The following CDKL3 variants were observed in gnomAD, a reference collection of about 807,000 sequenced individuals.
CDKL3 encodes cyclin dependent kinase like 3, also known as cyclin-dependent kinase-like 3.
A neutral mutation model predicts 69.3 loss-of-function variants in CDKL3; 65 were observed. The ratio of observed to expected loss-of-function variants is 0.94; its 90% CI spans 0.77 to 1.15. The LOEUF (loss-of-function observed/expected upper bound fraction) is 1.15, where lower values mean the gene tolerates loss of function less well. CDKL3 is among the 50% of genes most tolerant of loss of function. The pLI is 0.00. For synonymous variants in CDKL3, 202 were observed against 221.6 expected (o/e 0.91, Z 0.79); for missense variants, 652 against 689.2 (o/e 0.95, Z 0.61).
chr5:134,311,398 T>C (rs1316286500), intron 7 of CDKL3, among the ~76,000 whole-genome samples: 1 of 152,000 alleles, frequency 6.6e-6, no homozygotes, highest in African/African-American at 2.4e-5. Flanking sequence ...CTAGCTACTC[T>C]GGAGCCTGAG....
At chr5:134,353,160 C>T (rs1202643075) in intron 3 of CDKL3, among the ~76,000 whole-genome samples, 2 of 152,126 alleles carry the variant, frequency 1.3e-5, no homozygotes, top group Admixed American at 6.6e-5. Flanking sequence ...AACATTTCTA[C>T]GTCTAACAGA....
rs533151457 is a variant in CDKL3 at position 134,289,614 on chromosome 5, C to T, written c.*678-3055G>A. Among the ~76,000 whole-genome samples, 42 of 152,304 alleles carry T rather than the reference C, an allele frequency of 2.8e-4. No individual in the cohort carries two copies. In the South Asian group the frequency reaches 8.7e-3, roughly 32 times the overall value. On this transcript the variant is annotated intron_variant and NMD_transcript_variant, in intron 8 of 8. Coordinates refer to the CDKL3 transcript ENST00000519312. The stretch of plus-strand genomic sequence containing the variant: ...AGACCAAAAAGCACAGCTGTATTAG[C>T]ACCCCATCTTCATACATTAGTTCGT...
At chr5:134,312,089 C>T (rs1323301114) in intron 7 of CDKL3, among the ~76,000 whole-genome samples, 1 of 152,172 alleles carries the variant, frequency 6.6e-6, no homozygotes, top group East Asian at 1.9e-4. Context: ...AGCCACTATG[C>T]CCATCCTATT....
At chr5:134,291,644 T>A (rs1346664510) in intron 8 of CDKL3, among the ~76,000 whole-genome samples, 3 of 151,834 alleles carry the variant, frequency 2.0e-5, no homozygotes, top group African/African-American at 7.3e-5. Context: ...CATGGTGGCG[T>A]ACACCTGTAA....
rs114558321 is a variant in CDKL3 at position 134,298,602 on chromosome 5, G to A, written c.*49C>T. 1,965 of 1,594,770 alleles carry A rather than the reference G, an allele frequency of 1.2e-3. 20 individuals are homozygous for A. In the African/African-American group the frequency reaches 0.022, roughly 18 times the overall value. On this transcript the variant is annotated 3_prime_UTR_variant, in exon 13 of 13. Coordinates refer to ENST00000265334, the MANE Select transcript of CDKL3 (RefSeq NM_001113575.2). ...CACTTCTATTGTAGATAAATAAAAC[G>A]GGAAGAGTTGTCATCTTGTATTTTT... is the stretch of plus-strand genomic sequence containing the variant.
chr5:134,322,007 T>C, intron 4 of CDKL3, 104 bp from the exon 5 acceptor site: 1 of 687,534 alleles, frequency 1.5e-6, no homozygotes, highest in Non-Finnish European at 2.5e-6. Context: ...AAACAAGTAG[T>C]ATCATTTTAA....
chr5:134,312,476 T>C (rs1168268216), intron 6 of CDKL3, 96 bp from the exon 7 acceptor site: 4 of 665,388 alleles, frequency 6.0e-6, no homozygotes, highest in South Asian at 2.2e-5. Context: ...TAAGTAATTA[T>C]CCAGATCAAA....
chr5:134,356,696 ATTGCTTGAAC>A (rs1754692375), intron 3 of CDKL3, among the ~76,000 whole-genome samples: 1 of 152,154 alleles, frequency 6.6e-6, no homozygotes, highest in African/African-American at 2.4e-5. Flanking sequence ...AGGCAGGAAA[ATTGCTTGAAC>A]CTGGGAGGTG....
At chr5:134,338,895 T>C (rs904815073) in intron 4 of CDKL3, among the ~76,000 whole-genome samples, 4 of 152,188 alleles carry the variant, frequency 2.6e-5, no homozygotes, top group African/African-American at 9.7e-5. Context: ...GGCTCACACC[T>C]GTATTCCCAG....
downstream of CDKL3, among the ~76,000 whole-genome samples, chr5:134,295,545 C>T (rs1212948522): frequency 6.6e-6 from 1 of 152,174 alleles, no homozygotes; most frequent in Non-Finnish European, 1.5e-5. Flanking sequence ...ATTACTTTTG[C>T]ACCAACCTAA....
chr5:134,325,773 A>AT (rs960913520), intron 4 of CDKL3, among the ~76,000 whole-genome samples: 1 of 150,900 alleles, frequency 6.6e-6, no homozygotes, highest in African/African-American at 2.4e-5. Flanking sequence ...ATTTATTATT[A>AT]TTTTTTTTGA....
At chr5:134,360,350 G>A (rs879420240) in intron 2 of CDKL3, among the ~76,000 whole-genome samples, 4 of 152,002 alleles carry the variant, frequency 2.6e-5, no homozygotes, top group African/African-American at 9.7e-5. Flanking sequence ...GATTACAAGC[G>A]TGCACCACCA....
chr5:134,322,677 A>T (rs75089306), intron 4 of CDKL3, among the ~76,000 whole-genome samples: 14,086 of 152,218 alleles, frequency 0.093, 712 homozygotes, highest in South Asian at 0.16. Context: ...AATATTATTC[A>T]TCTGTTAAAA....
downstream of CDKL3, among the ~76,000 whole-genome samples, chr5:134,284,404 G>T (rs1279915561): frequency 6.6e-6 from 1 of 152,162 alleles, no homozygotes; most frequent in Non-Finnish European, 1.5e-5. Flanking sequence ...TCACATGCTT[G>T]AAAGGGCAAT....
chr5:134,284,958 C>T (rs192640258), downstream of CDKL3, among the ~76,000 whole-genome samples: 123 of 152,246 alleles, frequency 8.1e-4, 1 homozygote, highest in South Asian at 3.9e-3. Flanking sequence ...CACAAAGTCC[C>T]GAGGCGACAT....
intron 4 of CDKL3, among the ~76,000 whole-genome samples, chr5:134,333,740 T>A (rs1776364043): frequency 6.6e-6 from 1 of 152,234 alleles, no homozygotes; most frequent in African/African-American, 2.4e-5. Context: ...GATTTTTGCA[T>A]CAATGTTCAT....
upstream of CDKL3, chr5:134,367,428 A>G (rs1757729856): frequency 2.1e-6 from 2 of 962,724 alleles, no homozygotes; most frequent in Non-Finnish European, 1.2e-6. Flanking sequence ...GCTGGACTGC[A>G]GTGTCGCTGA....
chr5:134,326,777 C>T (rs1774310664), intron 4 of CDKL3, among the ~76,000 whole-genome samples: 1 of 140,610 alleles, frequency 7.1e-6, no homozygotes, highest in Admixed American at 7.2e-5. Flanking sequence ...TTTTTAAACA[C>T]AAATACTTAA....
chr5:134,315,315 T>A (rs1770730492), intron 6 of CDKL3, among the ~76,000 whole-genome samples: 1 of 152,190 alleles, frequency 6.6e-6, no homozygotes, highest in Admixed American at 6.5e-5. Context: ...ATATTTTAGT[T>A]GACAAATAGG....
Sources: gnomAD v4.1 joint callset for allele counts (sites outside exome capture counted in the v4.1 genomes callset) on GRCh38, gnomAD v4.1.1 for gene constraint, MANE v1.5 for transcripts, NCBI Gene and HGNC (gene_info 2026-07-23, HGNC 2026-07-21) for gene names.